The following ANKFN1 variants were observed in gnomAD, a reference collection of about 807,000 sequenced individuals.
ANKFN1 encodes the protein ankyrin repeat and fibronectin type III domain containing 1.
In ANKFN1, 74 loss-of-function variants were observed where a neutral mutation model predicts 108.7. That is an observed-to-expected ratio of 0.68 (90% CI 0.56 to 0.83). The LOEUF (loss-of-function observed/expected upper bound fraction) is 0.83, where lower values mean the gene tolerates loss of function less well. ANKFN1 is among the 40% of genes least tolerant of loss of function. The probability of loss-of-function intolerance (pLI) is 0.00; values close to 1 mark genes in which losing one functional copy is unlikely to be tolerated. For synonymous variants in ANKFN1, 547 were observed against 516.2 expected (o/e 1.06, Z -0.81); for missense variants, 1,505 against 1,382.3 (o/e 1.09, Z -1.41).
chr17:56,225,570 C>G (rs1401602073), intron 2 of ANKFN1, among the ~76,000 whole-genome samples: 1 of 152,154 alleles, frequency 6.6e-6, no homozygotes. Flanking sequence ...TATTAGGGCC[C>G]AACACAGTGC....
intron 10 of ANKFN1, 76 bp downstream of exon 10, chr17:56,443,009 C>A: frequency 6.9e-7 from 1 of 1,447,312 alleles, no homozygotes; most frequent in African/African-American, 1.4e-5. Context: ...GTGCCATTGC[C>A]ATTCCCTTCC....
intron 3 of ANKFN1, among the ~76,000 whole-genome samples, chr17:56,303,644 G>A (rs1351874850): frequency 6.6e-6 from 1 of 152,056 alleles, no homozygotes; most frequent in Non-Finnish European, 1.5e-5. Context: ...CACACATGCT[G>A]TTGAGAAAAA....
chr17:56,378,384 C>A (rs1024661513), intron 8 of ANKFN1, among the ~76,000 whole-genome samples: 5 of 152,054 alleles, frequency 3.3e-5, no homozygotes, highest in Non-Finnish European at 5.9e-5. Flanking sequence ...TGGAGAAAAC[C>A]CTGACATCAC....
intron 3 of ANKFN1, among the ~76,000 whole-genome samples, chr17:56,261,322 C>T (rs1227665729): frequency 1.3e-5 from 2 of 152,162 alleles, no homozygotes; most frequent in Non-Finnish European, 2.9e-5. Flanking sequence ...TTTGAGTTAA[C>T]AGAAAGAAAA....
chr17:56,080,614 T>C (rs757675058), intron 4 of ANKFN1, among the ~76,000 whole-genome samples: 8 of 152,202 alleles, frequency 5.3e-5, no homozygotes, highest in Non-Finnish European at 7.3e-5. Context: ...TCCTAAGACT[T>C]GATGCTATTG....
At chr17:56,236,150 C>T (rs1281466759) in intron 3 of ANKFN1, among the ~76,000 whole-genome samples, 1 of 151,948 alleles carries the variant, frequency 6.6e-6, no homozygotes, top group East Asian at 1.9e-4. Context: ...CTCTGCCTCC[C>T]AGGTTCAAGC....
chr17:56,298,177 G>A (rs1433798260), intron 3 of ANKFN1, among the ~76,000 whole-genome samples: 3 of 152,102 alleles, frequency 2.0e-5, no homozygotes, highest in Non-Finnish European at 2.9e-5. Flanking sequence ...AATTTTGAAA[G>A]CAATTGATAT....
At chr17:56,427,639 C>T in intron 8 of ANKFN1, among the ~76,000 whole-genome samples, 1 of 152,082 alleles carries the variant, frequency 6.6e-6, no homozygotes, top group Non-Finnish European at 1.5e-5. Flanking sequence ...GAGGCGCCAA[C>T]CAGGAGTCCC....
intron 4 of ANKFN1, among the ~76,000 whole-genome samples, chr17:56,106,338 C>G (rs897019109): frequency 2.2e-4 from 33 of 152,154 alleles, no homozygotes; most frequent in Admixed American, 1.8e-3. Context: ...ATGAGGACAA[C>G]AGTAAGTGAG....
intron 2 of ANKFN1, among the ~76,000 whole-genome samples, chr17:56,213,359 A>T (rs1277101990): frequency 6.6e-6 from 1 of 152,072 alleles, no homozygotes; most frequent in Non-Finnish European, 1.5e-5. Flanking sequence ...CAACAAGCCT[A>T]CCCCCTATAG....
chr17:56,418,148 C>T (rs1385949446), intron 8 of ANKFN1, among the ~76,000 whole-genome samples: 2 of 152,160 alleles, frequency 1.3e-5, no homozygotes, highest in Non-Finnish European at 2.9e-5. Context: ...AATAAGACCT[C>T]CCTTTATTTC....
intron 9 of ANKFN1, among the ~76,000 whole-genome samples, chr17:56,441,280 ATTG>A (rs2049094316): frequency 6.6e-6 from 1 of 152,056 alleles, no homozygotes. Context: ...TTTTGTTATT[ATTG>A]TTGTTGTTTT....
intron 7 of ANKFN1, among the ~76,000 whole-genome samples, 191 bp from the exon 8 acceptor site, chr17:56,374,410 A>T (rs1217032948): frequency 6.6e-6 from 1 of 152,190 alleles, no homozygotes; most frequent in African/African-American, 2.4e-5. Flanking sequence ...CTAATGCTCA[A>T]ATAAGACCCC....
At chr17:56,092,368 G>A (rs967186356) in intron 4 of ANKFN1, among the ~76,000 whole-genome samples, 10 of 145,730 alleles carry the variant, frequency 6.9e-5, no homozygotes, top group Non-Finnish European at 1.5e-4. Flanking sequence ...TCTGCCTCCC[G>A]GGTTCAGGTG....
At chr17:56,383,085 C>T (rs2047154268) in intron 8 of ANKFN1, among the ~76,000 whole-genome samples, 1 of 152,090 alleles carries the variant, frequency 6.6e-6, no homozygotes, top group Admixed American at 6.5e-5. Context: ...GGAAGTAAAG[C>T]CCTCATCAGC....
intron 3 of ANKFN1, among the ~76,000 whole-genome samples, chr17:56,294,041 G>A (rs563528071): frequency 4.6e-5 from 7 of 152,254 alleles, no homozygotes; most frequent in Non-Finnish European, 1.0e-4. Flanking sequence ...GTTAAATTTC[G>A]GGTTCTGTTT....
intron 18 of ANKFN1, among the ~76,000 whole-genome samples, chr17:56,490,716 C>T (rs919993418): frequency 6.6e-6 from 1 of 152,030 alleles, no homozygotes. Context: ...AAAAAAAGTG[C>T]TAAACAGAGC....
At chr17:56,189,466 G>A (rs977389447) in intron 1 of ANKFN1, among the ~76,000 whole-genome samples, 3 of 151,966 alleles carry the variant, frequency 2.0e-5, no homozygotes, top group Admixed American at 6.6e-5. Flanking sequence ...CACCGCGCCC[G>A]GCCTGCCCTG....
chr17:56,132,094 C>T (rs868710853), intron 4 of ANKFN1, among the ~76,000 whole-genome samples: 1 of 152,134 alleles, frequency 6.6e-6, no homozygotes, highest in East Asian at 1.9e-4. Context: ...ATAGGTAGTT[C>T]GTGATTTCTT....
Sources: gnomAD v4.1 joint callset for allele counts (sites outside exome capture counted in the v4.1 genomes callset) on GRCh38, gnomAD v4.1.1 for gene constraint, MANE v1.5 for transcripts, NCBI Gene and HGNC (gene_info 2026-07-23, HGNC 2026-07-21) for gene names.